The following SLC36A1 variants were observed in gnomAD, a reference collection of about 807,000 sequenced individuals.
The protein encoded by SLC36A1 is proton-coupled amino acid transporter 1.
A neutral mutation model predicts 47.5 loss-of-function variants in SLC36A1; 30 were observed. The ratio of observed to expected loss-of-function variants is 0.63; its 90% confidence interval spans 0.47 to 0.86. SLC36A1 has a LOEUF of 0.86. SLC36A1 is among the 40% of genes least tolerant of loss of function. The pLI is 0.00. For missense variants in SLC36A1, 517 were observed against 606.0 expected (o/e 0.85, Z 1.54); for synonymous variants, 255 against 249.7 (o/e 1.02, Z -0.20).
chr5:151,371,747 A>T, the SLC36A1 span, among the ~76,000 whole-genome samples: 1 of 152,228 alleles, frequency 6.6e-6, no homozygotes, highest in Non-Finnish European at 1.5e-5. Context: ...TTTTAAAAAA[A>T]TATTTTCCTT....
the SLC36A1 span, chr5:151,507,249 A>T: frequency 6.2e-7 from 1 of 1,614,150 alleles, no homozygotes; most frequent in Non-Finnish European, 8.5e-7. Context: ...CACACTGCAG[A>T]CCACTGGCCG....
Position 151,479,316 on chromosome 5 carries a change from G to T in SLC36A1, c.990-4G>T, listed in dbSNP as rs1299468291. 6.2e-7 allele frequency: 1 copy of T among 1,613,032 alleles called. No individual in the cohort carries two copies. Among genetic ancestry groups the T allele is most frequent in the Admixed American group, 1.7e-5 (1 of 59,966 alleles). On this transcript the variant is annotated splice_region_variant and splice_polypyrimidine_tract_variant and intron_variant, in intron 9 of 10. Transcript: ENST00000243389. Reference sequence around the variant, plus strand: ...CTTGGAATGTCTCCTGTCTGTTTCGGCAGGTTGTACCAGTCAGTTAAGCTG... The same window carrying T: ...CTTGGAATGTCTCCTGTCTGTTTCGTCAGGTTGTACCAGTCAGTTAAGCTG...
the SLC36A1 span, chr5:151,512,486 C>T: frequency 3.7e-6 from 6 of 1,614,206 alleles, no homozygotes; most frequent in African/African-American, 1.3e-5. This position sits in a 1 kb window ranked among gnomAD's most constrained non-coding sequence, Gnocchi z 4.1. Flanking sequence ...CGAATGGAAG[C>T]GTCCATCTCC....
chr5:151,367,374 T>TTTTC, the SLC36A1 span, among the ~76,000 whole-genome samples: 11 of 145,532 alleles, frequency 7.6e-5, no homozygotes, highest in South Asian at 8.6e-4. Context: ...TTTTTTTTTT[T>TTTTC]CCCCAGGGTA....
Position 151,459,065 on chromosome 5 carries a change from C to T in SLC36A1, c.143+130C>T, listed in dbSNP as rs377531667. 2.1e-5 allele frequency: 21 copies of T among 1,000,884 alleles called. No homozygotes were observed. In the East Asian group the frequency reaches 2.3e-4, roughly 11 times the overall value. The allele number at this position is 1,000,884 out of a possible 1,614,324, so 62.0% of individuals were successfully genotyped here. A position where few individuals can be genotyped will look rare whatever the true frequency, so the allele number is the denominator to read the frequency against. On this transcript the variant is annotated intron_variant, in intron 2 of 10. Transcript: ENST00000243389. ...GAAGGTCAGCAGTGAAGAGATTGGG[C>T]GAGTGACTGCGCTGAGATTTGCCTT...
chr5:151,473,227 A>G (rs978862156), intron 7 of SLC36A1, among the ~76,000 whole-genome samples: 4 of 145,420 alleles, frequency 2.8e-5, no homozygotes, highest in African/African-American at 1.0e-4. Flanking sequence ...GATAGATAGA[A>G]TATATATTCT....
chr5:151,456,011 G>C (rs73270282), intron 1 of SLC36A1, among the ~76,000 whole-genome samples: 2 of 152,168 alleles, frequency 1.3e-5, no homozygotes, highest in South Asian at 4.1e-4. Flanking sequence ...TTAACTCAAG[G>C]GGGGAGTGAC....
At chr5:151,405,546 C>G in the SLC36A1 span, among the ~76,000 whole-genome samples, 1 of 151,976 alleles carries the variant, frequency 6.6e-6, no homozygotes, top group Non-Finnish European at 1.5e-5. Context: ...TCTTGCCGTT[C>G]TATATCCGTC....
chr5:151,421,189 CTT>C, the SLC36A1 span, among the ~76,000 whole-genome samples: 1 of 144,630 alleles, frequency 6.9e-6, no homozygotes, highest in African/African-American at 2.6e-5. Flanking sequence ...TCCTTCCTTC[CTT>C]CCTTCCTTCC....
At chr5:151,389,349 T>A in the SLC36A1 span, among the ~76,000 whole-genome samples, 3 of 152,170 alleles carry the variant, frequency 2.0e-5, no homozygotes, top group African/African-American at 4.8e-5. Context: ...TTCCTGAGGC[T>A]CCTATAATGC....
intron 1 of SLC36A1, among the ~76,000 whole-genome samples, chr5:151,454,981 T>C (rs1455457278): frequency 6.6e-6 from 1 of 152,202 alleles, no homozygotes; most frequent in African/African-American, 2.4e-5. Flanking sequence ...CCTCATTTAG[T>C]TGGTTTCCTA....
intron 1 of SLC36A1, among the ~76,000 whole-genome samples, chr5:151,450,664 T>C (rs1299044424): frequency 1.3e-5 from 2 of 152,246 alleles, no homozygotes; most frequent in Admixed American, 6.5e-5. Flanking sequence ...CTCAGGTAAC[T>C]ATTCTCATAT....
At chr5:151,443,605 A>G (rs990951547), upstream of SLC36A1, among the ~76,000 whole-genome samples, 3 of 152,114 alleles carry the variant, frequency 2.0e-5, no homozygotes, top group Admixed American at 6.5e-5. Flanking sequence ...ATGTTTTCCA[A>G]TTCATAAGCT....
chr5:151,488,325 C>T lies in SLC36A1; in HGVS notation c.*71C>T, dbSNP rs1338726185. On this transcript the variant is annotated 3_prime_UTR_variant, in exon 11 of 11. Coordinates refer to ENST00000243389, the MANE Select transcript of SLC36A1 (RefSeq NM_078483.4). ...CCCCCGTTACCTGTCCTCAGAGCCT[C>T]AGGTATGGTCCAGGCTCTGAGGAAA... The T allele has an allele frequency of 1.1e-5, 17 of 1,553,966 alleles. No homozygotes were observed. The highest frequency in any genetic ancestry group is 1.5e-5 in the Non-Finnish European group (17 of 1,143,622).
At chr5:151,399,726 T>C in the SLC36A1 span, among the ~76,000 whole-genome samples, 2 of 152,236 alleles carry the variant, frequency 1.3e-5, no homozygotes, top group Non-Finnish European at 2.9e-5. Context: ...TCTCTCATTT[T>C]ACAGATGAAT....
At chr5:151,431,638 G>T in the SLC36A1 span, among the ~76,000 whole-genome samples, 32 of 152,258 alleles carry the variant, frequency 2.1e-4, no homozygotes, top group African/African-American at 5.8e-4. Context: ...AGTCTCATGA[G>T]ATTGGATAGT....
At chr5:151,543,906 G>A in the SLC36A1 span, 1 of 1,614,222 alleles carries the variant, frequency 6.2e-7, no homozygotes, top group East Asian at 2.2e-5. Flanking sequence ...TGTCTCTGCT[G>A]TCAGGGTCAA....
At chr5:151,453,564 C>T (rs889242654) in intron 1 of SLC36A1, among the ~76,000 whole-genome samples, 4 of 151,916 alleles carry the variant, frequency 2.6e-5, no homozygotes, top group Admixed American at 6.6e-5. Flanking sequence ...CAAACCCAGT[C>T]ACTAAAAAAT....
At chr5:151,385,022 G>GTGTT in the SLC36A1 span, among the ~76,000 whole-genome samples, 2 of 150,764 alleles carry the variant, frequency 1.3e-5, no homozygotes, top group Non-Finnish European at 2.9e-5. Flanking sequence ...GTGTGTGTGT[G>GTGTT]TGTGTGTGTG....
Sources: allele counts gnomAD v4.1 joint callset (sites outside exome capture counted in the v4.1 genomes callset), GRCh38; gene constraint gnomAD v4.1.1; non-coding constraint Gnocchi (gnomAD v3.1); transcripts MANE v1.5; gene names NCBI Gene and HGNC (gene_info 2026-07-23, HGNC 2026-07-21).